Variants in ICA1L observed in about 807,000 individuals in gnomAD.
ICA1L encodes islet cell autoantigen 1 like.
ICA1L carries 50 observed loss-of-function variants against 61.3 expected under a neutral mutation model. The observed-to-expected ratio is 0.82, with a 90% confidence interval of 0.65 to 1.03. ICA1L has a LOEUF of 1.03. Among genes scored for constraint, ICA1L ranks in the 50% least tolerant of loss-of-function variants. The pLI, the probability that ICA1L is intolerant of heterozygous loss-of-function variation, is 0.00. For missense variants in ICA1L, 508 were observed against 556.7 expected (o/e 0.91, Z 0.88); for synonymous variants, 161 against 191.3 (o/e 0.84, Z 1.31).
At chr2:202,852,415 A>G (rs1469949579) in intron 1 of ICA1L, among the ~76,000 whole-genome samples, 2 of 152,050 alleles carry the variant, frequency 1.3e-5, no homozygotes, top group African/African-American at 4.8e-5. Context: ...TTACACCTGT[A>G]ATCCCAGCAC....
intron 10 of ICA1L, among the ~76,000 whole-genome samples, chr2:202,794,615 A>T (rs1692867434): frequency 6.6e-6 from 1 of 152,198 alleles, no homozygotes; most frequent in African/African-American, 2.4e-5. Flanking sequence ...TTCAGATGAC[A>T]TAACTCAAAT....
In ICA1L at chr2:202,775,074, G is replaced by A. The variant is rs1024094349; in HGVS notation, c.*4459C>T. On this transcript the variant is annotated 3_prime_UTR_variant, in exon 13 of 13. Transcript: ENST00000358299. ...AAGATGGAAAAATAGCTTATGTTGG[G>A]CTTCTGGATGTGACCCATCTTTACC... The A allele has an allele frequency of 6.6e-6, 1 of 152,134 alleles. No homozygotes were observed. Among genetic ancestry groups the A allele is most frequent in the Non-Finnish European group, 1.5e-5 (1 of 68,026 alleles). 9.4% of individuals were successfully genotyped at this position (152,134 alleles called of 1,614,324 possible).
intron 9 of ICA1L, among the ~76,000 whole-genome samples, chr2:202,798,962 T>C (rs550719454): frequency 6.6e-6 from 1 of 152,334 alleles, no homozygotes; most frequent in Admixed American, 6.5e-5. Flanking sequence ...TTTCATTCTT[T>C]TTATGGCTGA....
chr2:202,774,409 G>T lies in ICA1L; in HGVS notation c.*5124C>A. ...GGCCTCACTGCGCCTCCAACAGCCA[G>T]GGTCGAGCCCCTGGCTCCCCGTTCG... On this transcript the variant is annotated 3_prime_UTR_variant, in exon 13 of 13. Transcript: ENST00000358299. The T allele has an allele frequency of 1.0e-6, 1 of 997,012 alleles. No individual in the cohort carries two copies. The highest frequency in any genetic ancestry group is 2.2e-5 in the South Asian group (1 of 45,250). 61.8% of individuals were successfully genotyped at this position (997,012 alleles called of 1,614,324 possible). A position where few individuals can be genotyped will look rare whatever the true frequency, so the allele number is the denominator to read the frequency against.
chr2:202,848,932 G>A (rs973349433), intron 1 of ICA1L, among the ~76,000 whole-genome samples: 2 of 152,044 alleles, frequency 1.3e-5, no homozygotes, highest in Non-Finnish European at 2.9e-5. Context: ...TGCCAACTGA[G>A]GTACCCAGTT....
chr2:202,798,070 C>G (rs1574334844), intron 9 of ICA1L, among the ~76,000 whole-genome samples: 2 of 152,220 alleles, frequency 1.3e-5, no homozygotes, highest in Middle Eastern at 3.4e-3. Context: ...GCATAATGTC[C>G]TCTGGGTTCA....
At chr2:202,839,865 G>T (rs1015115741) in intron 1 of ICA1L, among the ~76,000 whole-genome samples, 1 of 151,510 alleles carries the variant, frequency 6.6e-6, no homozygotes, top group Non-Finnish European at 1.5e-5. Context: ...TCCACTATAG[G>T]TTTTTGCTTT....
intron 1 of ICA1L, among the ~76,000 whole-genome samples, chr2:202,859,485 T>G (rs946158350): frequency 1.3e-5 from 2 of 152,228 alleles, no homozygotes; most frequent in Non-Finnish European, 2.9e-5. Flanking sequence ...CTGGGTGCTA[T>G]GATTGGCACT....
intron 1 of ICA1L, among the ~76,000 whole-genome samples, chr2:202,862,241 G>A (rs936441433): frequency 1.4e-4 from 17 of 118,402 alleles, no homozygotes; most frequent in African/African-American, 5.6e-4. Flanking sequence ...TTTGAGACCT[G>A]TCTGAGCAAC....
At chr2:202,794,385 A>C (rs1405514862) in intron 10 of ICA1L, among the ~76,000 whole-genome samples, 1 of 151,970 alleles carries the variant, frequency 6.6e-6, no homozygotes, top group East Asian at 1.9e-4. Context: ...ATTCCTAATA[A>C]AAATTCTTAA....
intron 8 of ICA1L, among the ~76,000 whole-genome samples, chr2:202,812,359 A>T (rs1693400266): frequency 6.6e-6 from 1 of 152,206 alleles, no homozygotes; most frequent in Admixed American, 6.5e-5. Context: ...CAGGCGGATC[A>T]CGAGGTCAGG....
chr2:202,840,721 G>T, intron 1 of ICA1L: 1 of 598,166 alleles, frequency 1.7e-6, no homozygotes, highest in East Asian at 4.0e-5. Flanking sequence ...CCTCCAGCTC[G>T]GAGAGCTTGG....
intron 1 of ICA1L, among the ~76,000 whole-genome samples, chr2:202,863,660 T>TA (rs906861470): frequency 4.0e-5 from 6 of 151,678 alleles, no homozygotes; most frequent in African/African-American, 7.3e-5. Flanking sequence ...CCGTCTCTAC[T>TA]AAAAAAATTA....
At chr2:202,835,215 C>CT (rs544503963) in intron 1 of ICA1L, among the ~76,000 whole-genome samples, 2,153 of 120,504 alleles carry the variant, frequency 0.018, 50 homozygotes, top group African/African-American at 0.037. Flanking sequence ...TGATTTCTTC[C>CT]TTTTTTTTTT....
chr2:202,870,546 C>T (rs1484418351), intron 1 of ICA1L: 2 of 152,150 alleles, frequency 1.3e-5, no homozygotes, highest in Non-Finnish European at 2.9e-5. Flanking sequence ...GAGATGTTTA[C>T]TCGGCCAGTA....
At chr2:202,810,057 C>T (rs1182843282) in intron 9 of ICA1L, among the ~76,000 whole-genome samples, 1 of 151,992 alleles carries the variant, frequency 6.6e-6, no homozygotes, top group Non-Finnish European at 1.5e-5. Flanking sequence ...AATCAAACTC[C>T]CAAAGGTCAA....
At chr2:202,818,755 T>C (rs1334499587) in intron 5 of ICA1L, among the ~76,000 whole-genome samples, 1 of 152,184 alleles carries the variant, frequency 6.6e-6, no homozygotes, top group Admixed American at 6.5e-5. Flanking sequence ...CTATGATGAT[T>C]GTGAGGCCTC....
intron 1 of ICA1L, among the ~76,000 whole-genome samples, chr2:202,830,635 G>A (rs1484887863): frequency 6.6e-6 from 1 of 152,108 alleles, no homozygotes; most frequent in Non-Finnish European, 1.5e-5. Context: ...CAGGCACATC[G>A]ATACATGCTA....
chr2:202,794,705 A>G (rs1692870012), intron 10 of ICA1L, among the ~76,000 whole-genome samples: 1 of 152,212 alleles, frequency 6.6e-6, no homozygotes, highest in Non-Finnish European at 1.5e-5. Context: ...AAAATGACCA[A>G]TGAAAATATA....
Sources: gnomAD v4.1 joint callset for allele counts (sites outside exome capture counted in the v4.1 genomes callset) on GRCh38, gnomAD v4.1.1 for gene constraint, MANE v1.5 for transcripts, NCBI Gene and HGNC (gene_info 2026-07-23, HGNC 2026-07-21) for gene names.